Variants in FRMD4A observed in about 807,000 individuals in gnomAD.
FRMD4A encodes FERM domain-containing protein 4A.
FRMD4A carries 29 observed loss-of-function variants against 129.1 expected under a neutral mutation model. That is an observed-to-expected ratio of 0.22 (90% CI 0.17 to 0.31). The LOEUF is 0.31. FRMD4A is among the 10% of genes least tolerant of loss of function. The probability of loss-of-function intolerance (pLI) is 1.00; values close to 1 mark genes in which losing one functional copy is unlikely to be tolerated. For synonymous variants in FRMD4A, 634 were observed against 571.6 expected, an observed-to-expected ratio of 1.11 and a Z score of -1.56; for missense variants, 1,272 against 1,375.8, an observed-to-expected ratio of 0.92 and a Z score of 1.19.
intron 2 of FRMD4A, among the ~76,000 whole-genome samples, chr10:14,003,818 C>G (rs747727766): frequency 6.6e-6 from 1 of 152,188 alleles, no homozygotes; most frequent in Non-Finnish European, 1.5e-5. Context: ...AACATAAAAC[C>G]ATTTCCTCGT....
intron 2 of FRMD4A, among the ~76,000 whole-genome samples, chr10:14,009,933 T>A (rs775285926): frequency 5.3e-5 from 8 of 152,104 alleles, no homozygotes; most frequent in Non-Finnish European, 1.0e-4. Context: ...TTTCAGAGCA[T>A]TGGCGGGGGG....
rs141661872 is a variant in FRMD4A, at chr10:13,804,903, C to G, written c.206+5911G>C. 9.2e-4 allele frequency among the ~76,000 whole-genome samples: 140 copies of G among 152,124 alleles called. 1 individual carries two copies. Among genetic ancestry groups the G allele is most frequent in the African/African-American group, 3.3e-3 (136 of 41,520 alleles). On this transcript the variant is annotated intron_variant, in intron 4 of 24. Transcript: ENST00000357447. ...GTTTGGGTAAATCAGACTCCCCAGA[C>G]AGCACCAATCAGGCAATTCAATTAA...
At chr10:13,980,333 C>T (rs1315075193) in intron 2 of FRMD4A, among the ~76,000 whole-genome samples, 2 of 152,190 alleles carry the variant, frequency 1.3e-5, no homozygotes, top group African/African-American at 4.8e-5. Flanking sequence ...CGCATTCCAG[C>T]ATGACTGTGG....
At chr10:14,104,231 A>G (rs1837462134) in intron 2 of FRMD4A, among the ~76,000 whole-genome samples, 1 of 151,956 alleles carries the variant, frequency 6.6e-6, no homozygotes, top group Non-Finnish European at 1.5e-5. Context: ...ACTGAGGTCT[A>G]CACTGCCATC....
intron 3 of FRMD4A, among the ~76,000 whole-genome samples, chr10:13,831,651 G>A (rs1256889171): frequency 6.6e-6 from 1 of 152,174 alleles, no homozygotes; most frequent in Non-Finnish European, 1.5e-5. Flanking sequence ...AAATAAGATG[G>A]TGTATGGGAC....
chr10:13,858,795 A>C lies in FRMD4A; in HGVS notation c.111+52T>G, dbSNP rs200110580. ...TCATCCCCAGCTGGATCAAGGTCTG[A>C]AACCACATCAGTCACCAAAGAAACT... On this transcript the variant is annotated intron_variant, in intron 3 of 24. Coordinates refer to ENST00000357447, the MANE Select transcript of FRMD4A (RefSeq NM_018027.5). 6.1e-5 allele frequency: 63 copies of C among 1,030,932 alleles called. No individual in the cohort carries two copies. The African/African-American group carries it at 7.2e-4, about 12-fold the overall frequency. The allele number at this position is 1,030,932 out of a possible 1,614,324, so 63.9% of individuals were successfully genotyped here.
rs1015334472 is a variant in FRMD4A, at chr10:13,756,899, C to T, written c.464+4748G>A. Among the ~76,000 whole-genome samples the T allele has an allele frequency of 4.6e-5, 7 of 152,126 alleles. No homozygotes were observed. The East Asian group carries it at 5.8e-4, about 13-fold the overall frequency. On this transcript the variant is annotated intron_variant, in intron 8 of 24. Coordinates refer to ENST00000357447, the MANE Select transcript of FRMD4A (RefSeq NM_018027.5). ...ATTAGAATATAACTAGAAAATTGGA[C>T]GTCCTATCAGTCGATTAAATGAGGT... is the stretch of plus-strand genomic sequence containing the variant.
chr10:13,914,324 T>C (rs1727427275), intron 2 of FRMD4A, among the ~76,000 whole-genome samples: 1 of 152,236 alleles, frequency 6.6e-6, no homozygotes, highest in Non-Finnish European at 1.5e-5. Flanking sequence ...ATTTCTGAAA[T>C]AATATATCAA....
intron 2 of FRMD4A, among the ~76,000 whole-genome samples, chr10:14,100,794 A>G (rs1029495252): frequency 2.0e-5 from 3 of 152,220 alleles, no homozygotes; most frequent in African/African-American, 7.2e-5. Flanking sequence ...GCTTTTCTAG[A>G]AAAGCTATTT....
chr10:13,973,310 T>C (rs2095528186), intron 2 of FRMD4A, among the ~76,000 whole-genome samples: 1 of 152,224 alleles, frequency 6.6e-6, no homozygotes, highest in African/African-American at 2.4e-5. Flanking sequence ...CGTTTTCTCC[T>C]TTTGCTTTGA....
At chr10:13,839,477 C>A (rs954199206) in intron 3 of FRMD4A, among the ~76,000 whole-genome samples, 2 of 152,202 alleles carry the variant, frequency 1.3e-5, no homozygotes, top group African/African-American at 4.8e-5. Flanking sequence ...CAGAGTAATG[C>A]AGAGGGCATC....
intron 2 of FRMD4A, among the ~76,000 whole-genome samples, chr10:13,867,357 C>A (rs1307963878): frequency 6.6e-6 from 1 of 151,804 alleles, no homozygotes; most frequent in Non-Finnish European, 1.5e-5. Context: ...CTTCCTGGGG[C>A]TCAAGAGATT....
At chr10:13,918,268 T>C (rs2095032188) in intron 2 of FRMD4A, among the ~76,000 whole-genome samples, 1 of 152,166 alleles carries the variant, frequency 6.6e-6, no homozygotes, top group Non-Finnish European at 1.5e-5. Context: ...CATACTAGGC[T>C]CAATACACCA....
At chr10:14,123,246 G>A (rs1376422632) in intron 2 of FRMD4A, among the ~76,000 whole-genome samples, 6 of 152,124 alleles carry the variant, frequency 3.9e-5, no homozygotes, top group Admixed American at 6.5e-5. Flanking sequence ...GAGAGGCCGC[G>A]AGTTTGAGCC....
intron 2 of FRMD4A, among the ~76,000 whole-genome samples, chr10:14,221,777 G>C (rs991829384): frequency 6.6e-6 from 1 of 151,794 alleles, no homozygotes; most frequent in Admixed American, 6.6e-5. Context: ...CTGATCTCAA[G>C]CTCCTGGACT....
chr10:13,722,319 A>G (rs569876280), intron 12 of FRMD4A, among the ~76,000 whole-genome samples: 178 of 150,146 alleles, frequency 1.2e-3, no homozygotes, highest in Non-Finnish European at 1.9e-3. Context: ...GCAGCCTCGA[A>G]TTCCTGGGCT....
intron 2 of FRMD4A, among the ~76,000 whole-genome samples, chr10:13,863,195 T>C (rs75293324): frequency 6.6e-6 from 1 of 152,288 alleles, no homozygotes; most frequent in East Asian, 1.9e-4. Flanking sequence ...TTATCCAACT[T>C]TGCTGCTAAG....
chr10:14,316,053 C>T (rs1166422825), intron 2 of FRMD4A, among the ~76,000 whole-genome samples: 1 of 152,224 alleles, frequency 6.6e-6, no homozygotes, highest in African/African-American at 2.4e-5. Context: ...CCACATCCAC[C>T]TTCTTTTTCC....
At chr10:13,884,433 G>A (rs1167607684) in intron 2 of FRMD4A, among the ~76,000 whole-genome samples, 1 of 152,140 alleles carries the variant, frequency 6.6e-6, no homozygotes, top group Non-Finnish European at 1.5e-5. Context: ...TTCAGAAAAG[G>A]ATGCAATTGC....
Sources: gnomAD v4.1 joint callset for allele counts (sites outside exome capture counted in the v4.1 genomes callset) on GRCh38, gnomAD v4.1.1 for gene constraint, MANE v1.5 for transcripts, NCBI Gene and HGNC (gene_info 2026-07-23, HGNC 2026-07-21) for gene names.